Variants in GALNTL6 observed in about 807,000 individuals in gnomAD.
GALNTL6 encodes polypeptide N-acetylgalactosaminyltransferase-like 6.
In GALNTL6, 46 loss-of-function variants were observed where a neutral mutation model predicts 73.7. That is an observed-to-expected ratio of 0.62 (90% CI 0.49 to 0.80). GALNTL6 has a LOEUF of 0.80. GALNTL6 is among the 30% of genes least tolerant of loss of function. GALNTL6 has a pLI of 0.00. For synonymous variants in GALNTL6, 259 were observed against 263.7 expected (o/e 0.98, Z 0.17); for missense variants, 604 against 755.0 (o/e 0.80, Z 2.34).
intron 10 of GALNTL6, among the ~76,000 whole-genome samples, chr4:172,966,927 C>A (rs1479617813): frequency 6.6e-6 from 1 of 152,176 alleles, no homozygotes; most frequent in Non-Finnish European, 1.5e-5. Context: ...ACAGGAGAGA[C>A]CTTTTTAGCA....
chr4:171,920,822 A>G (rs1737763317), intron 2 of GALNTL6, among the ~76,000 whole-genome samples: 1 of 152,174 alleles, frequency 6.6e-6, no homozygotes, highest in South Asian at 2.1e-4. Context: ...CAGTGTACAC[A>G]TATGAAAAGC....
At chr4:172,331,805 A>G (rs956876967) in intron 4 of GALNTL6, among the ~76,000 whole-genome samples, 1 of 152,156 alleles carries the variant, frequency 6.6e-6, no homozygotes, top group Non-Finnish European at 1.5e-5. Flanking sequence ...TTTCTTCCAT[A>G]CTTTAGCTGT....
intron 9 of GALNTL6, among the ~76,000 whole-genome samples, chr4:172,949,823 C>T (rs1369552209): frequency 1.3e-5 from 2 of 150,972 alleles, no homozygotes. Context: ...GCAGGAGAAT[C>T]GCTTGAAGCT....
intron 5 of GALNTL6, among the ~76,000 whole-genome samples, chr4:172,611,157 G>A (rs566202882): frequency 1.6e-4 from 25 of 151,964 alleles, no homozygotes; most frequent in Non-Finnish European, 3.2e-4. Context: ...TGCCTATTAA[G>A]TGGGGCATTT....
At position 171,905,501 on chromosome 4, in the gene GALNTL6, G is replaced by T. The variant is rs577523056; in HGVS notation, c.138+90783G>T. 2.0e-5 allele frequency among the ~76,000 whole-genome samples: 3 copies of T among 150,346 alleles called. No individual in the cohort carries two copies. The East Asian group carries it at 5.8e-4, about 29-fold the overall frequency. On this transcript the variant is annotated intron_variant, in intron 2 of 12. Coordinates refer to ENST00000506823, the MANE Select transcript of GALNTL6 (RefSeq NM_001034845.3). ...CACCCAGATTCATAAAGCAAGTCCT[G>T]AGTGACCTACAAAGAGACTTAGACT... is the stretch of plus-strand genomic sequence containing the variant.
At chr4:172,191,621 T>G (rs1204982270) in intron 2 of GALNTL6, among the ~76,000 whole-genome samples, 3 of 152,220 alleles carry the variant, frequency 2.0e-5, no homozygotes, top group Non-Finnish European at 4.4e-5. Flanking sequence ...TATATGGTAC[T>G]CTTTCAAATC....
In GALNTL6 at chr4:172,754,010, A is replaced by C. The variant is rs191127089; in HGVS notation, c.554-55351A>C. 1.3e-3 allele frequency among the ~76,000 whole-genome samples: 202 copies of C among 152,318 alleles called. 1 individual carries two copies. The highest frequency in any genetic ancestry group is 4.6e-3 in the African/African-American group (193 of 41,568). ...TAGAGATTCTTTTTATTATGTGAGC[A>C]CATTAGAATTTTACACAAAAGAAGG... On this transcript the variant is annotated intron_variant, in intron 5 of 12. Transcript: ENST00000506823.
intron 2 of GALNTL6, among the ~76,000 whole-genome samples, chr4:171,948,699 T>C (rs532506826): frequency 6.6e-6 from 1 of 152,192 alleles, no homozygotes; most frequent in Non-Finnish European, 1.5e-5. Flanking sequence ...CGCAATAATA[T>C]TATGATATTT....
At chr4:172,648,560 GAAGAA>G (rs1740342273) in intron 5 of GALNTL6, among the ~76,000 whole-genome samples, 1 of 152,030 alleles carries the variant, frequency 6.6e-6, no homozygotes, top group South Asian at 2.1e-4. Flanking sequence ...CTCATAAATG[GAAGAA>G]ACACGATTCA....
intron 2 of GALNTL6, among the ~76,000 whole-genome samples, chr4:171,891,125 G>A (rs901635378): frequency 1.3e-5 from 2 of 152,152 alleles, no homozygotes; most frequent in East Asian, 3.9e-4. Flanking sequence ...CTACCCTGAC[G>A]TTATAGGAAC....
intron 2 of GALNTL6, among the ~76,000 whole-genome samples, chr4:172,170,506 T>G (rs903711652): frequency 2.2e-5 from 3 of 136,976 alleles, no homozygotes; most frequent in Non-Finnish European, 4.7e-5. Flanking sequence ...GTTTCTTTGG[T>G]GGTTTTTTTT....
At chr4:172,890,162 G>C (rs1299556158) in intron 8 of GALNTL6, among the ~76,000 whole-genome samples, 1 of 151,720 alleles carries the variant, frequency 6.6e-6, no homozygotes, top group African/African-American at 2.4e-5. Flanking sequence ...TATTAATCTT[G>C]CTAGCGGTCT....
In GALNTL6 at chr4:172,634,226, C is replaced by G. The variant is rs144131582; in HGVS notation, c.554-175135C>G. On this transcript the variant is annotated intron_variant, in intron 5 of 12. Coordinates refer to ENST00000506823, the MANE Select transcript of GALNTL6 (RefSeq NM_001034845.3). The stretch of plus-strand genomic sequence containing the variant: ...TTATGCTTCTCATCTGGAGTGTTTT[C>G]TCTCCAGTCCATAGCAGTGTTCAAG... Among the ~76,000 whole-genome samples, 493 of 152,272 alleles carry G rather than the reference C, an allele frequency of 3.2e-3. 5 individuals are homozygous for G. The highest frequency in any genetic ancestry group is 0.011 in the African/African-American group (469 of 41,544).
intron 7 of GALNTL6, among the ~76,000 whole-genome samples, chr4:172,851,055 C>G (rs535330203): frequency 7.9e-5 from 12 of 152,232 alleles, no homozygotes; most frequent in African/African-American, 2.9e-4. Context: ...TCCAGCCCCC[C>G]TTCCTTCTCC....
chr4:172,201,206 T>C (rs962017090), intron 2 of GALNTL6, among the ~76,000 whole-genome samples: 1 of 151,848 alleles, frequency 6.6e-6, no homozygotes, highest in Non-Finnish European at 1.5e-5. Context: ...TTGTTATTGT[T>C]TGTTTTGTTT....
chr4:172,392,823 A>G (rs1052929583), intron 5 of GALNTL6, among the ~76,000 whole-genome samples: 1 of 152,170 alleles, frequency 6.6e-6, no homozygotes, highest in Admixed American at 6.5e-5. Flanking sequence ...TTTCCCATAC[A>G]TGAAATGAGG....
At chr4:173,015,320 T>C (rs1579783839) in intron 11 of GALNTL6, among the ~76,000 whole-genome samples, 1 of 152,110 alleles carries the variant, frequency 6.6e-6, no homozygotes, top group Non-Finnish European at 1.5e-5. Flanking sequence ...TGGAACTGGG[T>C]AACAGACAGA....
chr4:172,046,094 C>A (rs1742212578), intron 2 of GALNTL6, among the ~76,000 whole-genome samples: 1 of 151,942 alleles, frequency 6.6e-6, no homozygotes, highest in African/African-American at 2.4e-5. Context: ...TCATTTCATT[C>A]ATTGATGGAC....
intron 5 of GALNTL6, among the ~76,000 whole-genome samples, chr4:172,430,360 C>T (rs1731398314): frequency 1.3e-5 from 2 of 151,868 alleles, no homozygotes; most frequent in Admixed American, 1.3e-4. Context: ...TGGGAATTCA[C>T]CTAGCAAATA....
Sources: allele counts gnomAD v4.1 joint callset (sites outside exome capture counted in the v4.1 genomes callset), GRCh38; gene constraint gnomAD v4.1.1; transcripts MANE v1.5; gene names NCBI Gene and HGNC (gene_info 2026-07-23, HGNC 2026-07-21).